The following EYA2 variants were observed in gnomAD, a reference collection of about 807,000 sequenced individuals.
The protein encoded by EYA2 is protein phosphatase EYA2.
A neutral mutation model predicts 69.2 loss-of-function variants in EYA2; 31 were observed. The observed-to-expected ratio is 0.45, with a 90% CI of 0.34 to 0.60. The LOEUF is 0.60. Among genes scored for constraint, EYA2 ranks in the 20% least tolerant of loss-of-function variants. EYA2 has a pLI of 0.02. For synonymous variants in EYA2, 257 were observed against 279.4 expected (o/e 0.92, Z 0.80); for missense variants, 622 against 701.2 (o/e 0.89, Z 1.28).
intron 1 of EYA2, among the ~76,000 whole-genome samples, chr20:46,927,548 C>G (rs1043907182): frequency 3.3e-5 from 5 of 152,166 alleles, no homozygotes; most frequent in Non-Finnish European, 7.3e-5. Flanking sequence ...GCACATCTTA[C>G]ATGGCGGCAT....
intron 1 of EYA2, among the ~76,000 whole-genome samples, chr20:46,987,964 C>CTATATATATATATATATATATA (rs71183225): frequency 3.5e-4 from 4 of 11,278 alleles, no homozygotes; most frequent in South Asian, 4.8e-3. Flanking sequence ...CTCTCTCTCT[C>CTATATATATATATATATATATA]TATATATATA....
intron 1 of EYA2, among the ~76,000 whole-genome samples, chr20:46,948,109 C>CAAA (rs72010207): frequency 1.1e-3 from 143 of 133,838 alleles, no homozygotes; most frequent in African/African-American, 2.0e-3. Context: ...GACCTTGTCT[C>CAAA]AAAAAAAAAA....
chr20:47,099,352 G>C (rs1230507772), intron 9 of EYA2, among the ~76,000 whole-genome samples: 2 of 152,190 alleles, frequency 1.3e-5, no homozygotes, highest in African/African-American at 2.4e-5. Context: ...GCAACATAGT[G>C]AGACCCCATC....
At chr20:47,148,988 G>T (rs753702375) in intron 10 of EYA2, among the ~76,000 whole-genome samples, 18 of 151,966 alleles carry the variant, frequency 1.2e-4, no homozygotes, top group Non-Finnish European at 1.2e-4. Flanking sequence ...GTTCAGCCCT[G>T]CCCTGTGAGA....
chr20:47,051,789 G>A (rs763125358), intron 5 of EYA2, among the ~76,000 whole-genome samples: 2 of 152,218 alleles, frequency 1.3e-5, no homozygotes, highest in Non-Finnish European at 2.9e-5. Context: ...CTGGCACACA[G>A]TAGGTGCTCA....
At chr20:47,186,667 C>T (rs754281540) in intron 15 of EYA2, among the ~76,000 whole-genome samples, 9 of 152,068 alleles carry the variant, frequency 5.9e-5, no homozygotes, top group Admixed American at 1.3e-4. Context: ...CCTCCTCATT[C>T]GTTCTTCAAG....
At chr20:46,979,205 C>T (rs1340723627) in intron 1 of EYA2, among the ~76,000 whole-genome samples, 1 of 152,216 alleles carries the variant, frequency 6.6e-6, no homozygotes, top group East Asian at 1.9e-4. Flanking sequence ...CTGGGACCCT[C>T]CATCTGCTTT....
At chr20:47,145,759 G>A (rs936346060) in intron 10 of EYA2, among the ~76,000 whole-genome samples, 2 of 152,066 alleles carry the variant, frequency 1.3e-5, no homozygotes, top group African/African-American at 4.8e-5. Flanking sequence ...ATATTAGCCA[G>A]GTGTGGTGGC....
chr20:46,973,399 A>G (rs1000552973), intron 1 of EYA2, among the ~76,000 whole-genome samples: 3 of 152,230 alleles, frequency 2.0e-5, no homozygotes, highest in Non-Finnish European at 2.9e-5. Flanking sequence ...TACTGTGCAG[A>G]CTTCGTTTAG....
rs77750491 is a variant in EYA2 at position 47,003,981 on chromosome 20, A to G, written c.156-961A>G. Reference sequence around the variant, plus strand: ...GAGATATAATGTACATACCAGGTGCATGTGACACAATTCCCAACCCTTAGT... The same window carrying G: ...GAGATATAATGTACATACCAGGTGCGTGTGACACAATTCCCAACCCTTAGT... On this transcript the variant is annotated intron_variant, in intron 3 of 15. Coordinates refer to ENST00000327619, the MANE Select transcript of EYA2 (RefSeq NM_005244.5). Among the ~76,000 whole-genome samples the G allele has an allele frequency of 9.9e-3, 1,515 of 152,338 alleles. 24 individuals carry two copies. Among genetic ancestry groups the G allele is most frequent in the African/African-American group, 0.034 (1,431 of 41,566 alleles).
intron 4 of EYA2, among the ~76,000 whole-genome samples, chr20:47,008,260 G>A (rs1387866667): frequency 2.0e-5 from 3 of 152,178 alleles, no homozygotes; most frequent in East Asian, 1.9e-4. Context: ...TCCCTTGAGC[G>A]ATAAAGAAAC....
At chr20:47,042,736 T>C (rs2146418895) in intron 5 of EYA2, among the ~76,000 whole-genome samples, 1 of 152,332 alleles carries the variant, frequency 6.6e-6, no homozygotes, top group East Asian at 1.9e-4. Context: ...CTTAGCTTTT[T>C]CATCCTTATG....
Position 47,185,473 on chromosome 20 carries a change from T to C in EYA2, c.1536+2082T>C, listed in dbSNP as rs571402920. ...GAGCCACCACATGTGGCTAATTTTT[T>C]GTAATTTTAATAGAGACGGGGTTTT... On this transcript the variant is annotated intron_variant, in intron 15 of 15. Transcript: ENST00000327619. 1.2e-3 allele frequency among the ~76,000 whole-genome samples: 181 copies of C among 152,082 alleles called. 3 individuals carry two copies. Among genetic ancestry groups the C allele is most frequent in the Non-Finnish European group, 2.8e-4 (19 of 67,970 alleles).
rs549907487 is a variant in EYA2, at chr20:47,072,090, C to T, written c.416-95C>T. ...TTCTGCCCAGCTGTCACCCTTGAAG[C>T]CACATGGAGGGAGGTTCATGAAATG... is the stretch of plus-strand genomic sequence containing the variant. On this transcript the variant is annotated intron_variant, in intron 5 of 15. Coordinates refer to ENST00000327619, the MANE Select transcript of EYA2 (RefSeq NM_005244.5). The T allele has an allele frequency of 2.4e-4, 267 of 1,127,206 alleles. No homozygotes were observed. The African/African-American group carries it at 3.5e-3, about 15-fold the overall frequency. The allele number at this position is 1,127,206 out of a possible 1,614,324, so 69.8% of individuals were successfully genotyped here. A position where few individuals can be genotyped will look rare whatever the true frequency, so the allele number is the denominator to read the frequency against.
At chr20:47,096,311 A>G (rs181911469) in intron 8 of EYA2, among the ~76,000 whole-genome samples, 10 of 152,318 alleles carry the variant, frequency 6.6e-5, no homozygotes, top group African/African-American at 2.4e-4. Context: ...CTAGTTACCA[A>G]CTTTTAAAAT....
chr20:47,046,658 C>T (rs1555816796), intron 5 of EYA2, among the ~76,000 whole-genome samples: 1 of 152,214 alleles, frequency 6.6e-6, no homozygotes, highest in Non-Finnish European at 1.5e-5. Context: ...GCTAATCTGC[C>T]TTTCTGGACT....
At chr20:47,014,627 A>ACTGTGTGT (rs1568724580) in intron 4 of EYA2, among the ~76,000 whole-genome samples, 1 of 71,732 alleles carries the variant, frequency 1.4e-5, no homozygotes. Context: ...ATGTGCACAA[A>ACTGTGTGT]ATGTGTGTGT....
intron 1 of EYA2, chr20:46,979,633 A>T (rs1980693992): frequency 6.6e-6 from 1 of 152,104 alleles, no homozygotes; most frequent in Admixed American, 6.5e-5. Context: ...AATTTCAGGT[A>T]ATTGTGAGGT....
intron 12 of EYA2, 64 bp downstream of exon 12, chr20:47,172,931 T>C: frequency 6.5e-7 from 1 of 1,530,954 alleles, no homozygotes; most frequent in Non-Finnish European, 8.8e-7. Flanking sequence ...GCTGTCAGTG[T>C]CCCTGCTGTG....
Sources: allele counts gnomAD v4.1 joint callset (sites outside exome capture counted in the v4.1 genomes callset), GRCh38; gene constraint gnomAD v4.1.1; transcripts MANE v1.5; gene names NCBI Gene and HGNC (gene_info 2026-07-23, HGNC 2026-07-21).